The following MAD1L1 variants were observed in gnomAD, a reference collection of about 807,000 sequenced individuals.
MAD1L1 encodes mitotic arrest deficient 1 like 1.
A neutral mutation model predicts 96.9 loss-of-function variants in MAD1L1; 95 were observed. The ratio of observed to expected loss-of-function variants is 0.98; its 90% confidence interval spans 0.83 to 1.16. The LOEUF (loss-of-function observed/expected upper bound fraction) is 1.16, where lower values mean the gene tolerates loss of function less well. Among genes scored for constraint, MAD1L1 ranks in the 50% most tolerant of loss-of-function variants. The pLI is 0.00. For missense variants in MAD1L1, 1,007 were observed against 954.4 expected (o/e 1.06, Z -0.73); for synonymous variants, 473 against 396.6 (o/e 1.19, Z -2.29).
At chr7:2,208,407 C>T (rs1415897173) in intron 10 of MAD1L1, among the ~76,000 whole-genome samples, 1 of 152,022 alleles carries the variant, frequency 6.6e-6, no homozygotes, top group Non-Finnish European at 1.5e-5. Context: ...TTTTGCTTCC[C>T]TAATTATACT....
intron 9 of MAD1L1, 34 bp downstream of exon 9, chr7:2,215,851 A>T: frequency 6.3e-7 from 1 of 1,594,598 alleles, no homozygotes; most frequent in Non-Finnish European, 8.6e-7. Flanking sequence ...GGCAGAGGAC[A>T]CCCACAGGAA....
chr7:2,063,716 C>T (rs577481728), intron 12 of MAD1L1, among the ~76,000 whole-genome samples: 8 of 152,354 alleles, frequency 5.3e-5, no homozygotes, highest in Admixed American at 2.0e-4. Context: ...ACGGTGCCAG[C>T]GAGGCCCTGC....
At chr7:2,074,298 G>A (rs1025267081) in intron 11 of MAD1L1, among the ~76,000 whole-genome samples, 14 of 152,098 alleles carry the variant, frequency 9.2e-5, no homozygotes, top group African/African-American at 1.9e-4. Context: ...TGAGGTCACC[G>A]AGAGCAGAAG....
At chr7:2,096,140 C>A (rs751934473) in intron 11 of MAD1L1, among the ~76,000 whole-genome samples, 12 of 152,256 alleles carry the variant, frequency 7.9e-5, no homozygotes, top group Non-Finnish European at 1.6e-4. Context: ...CGACGCCACA[C>A]AGGCTGTGCT....
At chr7:1,924,730 G>A in intron 17 of MAD1L1, among the ~76,000 whole-genome samples, 1 of 152,090 alleles carries the variant, frequency 6.6e-6, no homozygotes, top group Non-Finnish European at 1.5e-5. Flanking sequence ...TATAAAATAG[G>A]CATGACAGTT....
intron 18 of MAD1L1, among the ~76,000 whole-genome samples, chr7:1,827,858 G>C (rs1313434500): frequency 6.6e-6 from 1 of 151,840 alleles, no homozygotes; most frequent in Non-Finnish European, 1.5e-5. Flanking sequence ...TCCAGATGTA[G>C]CCGAATGAGA....
intron 15 of MAD1L1, among the ~76,000 whole-genome samples, chr7:1,975,383 G>C (rs568198646): frequency 6.6e-6 from 1 of 152,334 alleles, no homozygotes; most frequent in African/African-American, 2.4e-5. Context: ...CCAGCCAGCA[G>C]GTTCTCCACG....
chr7:2,130,433 T>C (rs1052229793), intron 11 of MAD1L1, among the ~76,000 whole-genome samples: 3 of 152,122 alleles, frequency 2.0e-5, no homozygotes, highest in South Asian at 2.1e-4. Context: ...AAGGAAGCAA[T>C]TGAGAGGCCA....
intron 11 of MAD1L1, chr7:2,080,052 C>A: frequency 3.6e-6 from 1 of 274,188 alleles, no homozygotes; most frequent in Non-Finnish European, 7.1e-6. Context: ...TCGCCTAATG[C>A]ACAGGACAGA....
intron 18 of MAD1L1, chr7:1,838,968 G>A (rs1011486040): frequency 1.0e-5 from 4 of 383,168 alleles, no homozygotes; most frequent in African/African-American, 8.5e-5. Flanking sequence ...GAGGTCAGCA[G>A]AGAGTCTGGA....
At chr7:1,976,400 A>G (rs1004006327) in intron 15 of MAD1L1, among the ~76,000 whole-genome samples, 2 of 152,026 alleles carry the variant, frequency 1.3e-5, no homozygotes, top group Non-Finnish European at 2.9e-5. Context: ...GCAGACCTTC[A>G]TGGTGAGTGT....
intron 14 of MAD1L1, among the ~76,000 whole-genome samples, chr7:1,993,809 G>A (rs1781446925): frequency 6.6e-6 from 1 of 152,232 alleles, no homozygotes; most frequent in African/African-American, 2.4e-5. Context: ...GGGACAGAGG[G>A]AAGATGAAGC....
chr7:1,859,732 T>C (rs1284865444), intron 18 of MAD1L1, among the ~76,000 whole-genome samples: 2 of 152,068 alleles, frequency 1.3e-5, no homozygotes, highest in East Asian at 3.9e-4. Flanking sequence ...TCCCTAGACG[T>C]GACATCCTGC....
chr7:1,944,283 C>G (rs767010331), intron 16 of MAD1L1, among the ~76,000 whole-genome samples: 2 of 152,164 alleles, frequency 1.3e-5, no homozygotes, highest in African/African-American at 4.8e-5. Context: ...AAACGTTCTG[C>G]GAAGGGTGAC....
chr7:2,067,415 T>A (rs1459044278), intron 12 of MAD1L1, among the ~76,000 whole-genome samples: 1 of 148,872 alleles, frequency 6.7e-6, no homozygotes, highest in Admixed American at 6.6e-5. Context: ...CCACTCTTCC[T>A]CCCCCAGGAA....
chr7:1,816,055 C>A lies in MAD1L1; in HGVS notation c.*15G>T. 2 of 1,600,724 alleles carry A rather than the reference C, an allele frequency of 1.2e-6. No homozygotes were observed. Among genetic ancestry groups the A allele is most frequent in the Non-Finnish European group, 1.7e-6 (2 of 1,172,856 alleles). ...CCAAGCAGAGTGGCTCCGGCTATGC[C>A]CCCGAGCCTGCAGGCTACGCCACGG... On this transcript the variant is annotated 3_prime_UTR_variant, in exon 19 of 19. Coordinates refer to ENST00000265854, the MANE Select transcript of MAD1L1 (RefSeq NM_001013836.2).
chr7:2,041,387 C>T, intron 12 of MAD1L1, among the ~76,000 whole-genome samples: 1 of 111,970 alleles, frequency 8.9e-6, no homozygotes, highest in South Asian at 4.0e-4. Flanking sequence ...GGAAGGGGAG[C>T]AGGAGCCCAT....
At chr7:2,197,375 G>T (rs1792046384) in intron 10 of MAD1L1, among the ~76,000 whole-genome samples, 2 of 152,106 alleles carry the variant, frequency 1.3e-5, no homozygotes, top group Admixed American at 1.3e-4. Flanking sequence ...CACCAGGCCT[G>T]CACACCTATG....
chr7:2,008,595 C>T (rs1435846930), intron 13 of MAD1L1, among the ~76,000 whole-genome samples: 4 of 152,218 alleles, frequency 2.6e-5, no homozygotes. Context: ...GGGGGCTGGG[C>T]TGACGGCTGG....
Sources: allele counts gnomAD v4.1 joint callset (sites outside exome capture counted in the v4.1 genomes callset), GRCh38; gene constraint gnomAD v4.1.1; transcripts MANE v1.5; gene names NCBI Gene and HGNC (gene_info 2026-07-23, HGNC 2026-07-21).